Variants in POU6F2 observed in about 807,000 individuals in gnomAD.
POU6F2 encodes POU domain, class 6, transcription factor 2.
In POU6F2, 31 loss-of-function variants were observed where a neutral mutation model predicts 71.3. That is an observed-to-expected ratio of 0.43 (90% CI 0.33 to 0.59). The LOEUF (loss-of-function observed/expected upper bound fraction) is 0.59. Ranked by LOEUF, POU6F2 falls within the 20% of genes least tolerant of loss-of-function variation. The pLI is 0.04. For missense variants in POU6F2, 783 were observed against 856.8 expected, an observed-to-expected ratio of 0.91 and a Z score of 1.07; for synonymous variants, 347 against 355.7, an observed-to-expected ratio of 0.98 and a Z score of 0.27.
chr7:39,385,445 A>C (rs1179492225), intron 5 of POU6F2, among the ~76,000 whole-genome samples: 2 of 152,196 alleles, frequency 1.3e-5, no homozygotes, highest in African/African-American at 4.8e-5. Context: ...CCAGTGAGAG[A>C]GAAGTATGCT....
intron 6 of POU6F2, 54 bp from the exon 7 acceptor site, chr7:39,433,023 G>T: frequency 6.4e-7 from 1 of 1,574,122 alleles, no homozygotes; most frequent in Non-Finnish European, 8.7e-7. Flanking sequence ...GTCTTCAGTT[G>T]CATGCACAGA....
chr7:39,188,431 G>A (rs958863610), intron 2 of POU6F2, among the ~76,000 whole-genome samples: 3 of 152,092 alleles, frequency 2.0e-5, no homozygotes, highest in Non-Finnish European at 2.9e-5. Context: ...TTATGCCTCA[G>A]CTTCCCAAGT....
chr7:39,280,287 C>T (rs543375892), intron 4 of POU6F2, among the ~76,000 whole-genome samples: 23 of 152,250 alleles, frequency 1.5e-4, no homozygotes, highest in Admixed American at 5.2e-4. Context: ...AGATGGCTTG[C>T]CCACTCCACT....
intron 5 of POU6F2, among the ~76,000 whole-genome samples, chr7:39,353,456 A>G (rs1036890480): frequency 6.6e-6 from 1 of 152,264 alleles, no homozygotes; most frequent in African/African-American, 2.4e-5. Flanking sequence ...ATTTGTATGT[A>G]TGCATACTTG....
At position 39,394,836 on chromosome 7, in the gene POU6F2, T is replaced by G. The variant is rs186209878; in HGVS notation, c.973-11764T>G. Among the ~76,000 whole-genome samples the G allele has an allele frequency of 3.1e-4, 47 of 152,238 alleles. 2 individuals carry two copies. In the East Asian group the frequency reaches 8.7e-3, roughly 28 times the overall value. On this transcript the variant is annotated intron_variant, in intron 5 of 9. Coordinates refer to ENST00000518318, the MANE Select transcript of POU6F2 (RefSeq NM_001370959.1). ...CAGTATGTCCACGGCTCACTTAGCATACCCCTACACTGGCTTGTACCCATT... is the reference window on the plus strand; with the variant it reads ...CAGTATGTCCACGGCTCACTTAGCAGACCCCTACACTGGCTTGTACCCATT...
chr7:39,336,157 A>G (rs1011562765), intron 4 of POU6F2, among the ~76,000 whole-genome samples: 1 of 152,198 alleles, frequency 6.6e-6, no homozygotes, highest in Admixed American at 6.5e-5. Context: ...ACTATTTAAC[A>G]CTTTATTAAA....
chr7:39,208,065 A>G (rs1316065942), intron 4 of POU6F2, among the ~76,000 whole-genome samples: 2 of 152,228 alleles, frequency 1.3e-5, no homozygotes, highest in African/African-American at 2.4e-5. Flanking sequence ...TAATTTATTA[A>G]TGATTATTTT....
chr7:39,021,655 C>T (rs1789682686), intron 1 of POU6F2, among the ~76,000 whole-genome samples: 1 of 151,844 alleles, frequency 6.6e-6, no homozygotes, highest in Admixed American at 6.6e-5. Context: ...TACAAATTCC[C>T]TCTATTCCAT....
intron 4 of POU6F2, among the ~76,000 whole-genome samples, chr7:39,255,049 A>G (rs1178733818): frequency 6.6e-6 from 1 of 152,230 alleles, no homozygotes; most frequent in African/African-American, 2.4e-5. Context: ...TTTTATATAT[A>G]TCCTTTATAT....
At chr7:39,309,016 C>T (rs181215759) in intron 4 of POU6F2, among the ~76,000 whole-genome samples, 1 of 152,246 alleles carries the variant, frequency 6.6e-6, no homozygotes, top group Admixed American at 6.5e-5. Context: ...AGGTTTTCTA[C>T]ACAGATGTTA....
Position 39,468,479 on chromosome 7 carries a change from A to C in POU6F2, c.*3793A>C. ...TGCTTAATATTTAAAAAAAAAAAAAACTGTACTTAATCTAGAGCAATATCT... is the reference window on the plus strand; with the variant it reads ...TGCTTAATATTTAAAAAAAAAAAAACCTGTACTTAATCTAGAGCAATATCT... On this transcript the variant is annotated 3_prime_UTR_variant, in exon 10 of 10. Coordinates refer to ENST00000518318, the MANE Select transcript of POU6F2 (RefSeq NM_001370959.1). 1 of 151,922 alleles carries C rather than the reference A, an allele frequency of 6.6e-6. No homozygotes were observed. The highest frequency in any genetic ancestry group is 1.9e-4 in the East Asian group (1 of 5,186). 9.4% of individuals were successfully genotyped at this position (151,922 alleles called of 1,614,324 possible). A position where few individuals can be genotyped will look rare whatever the true frequency, so the allele number is the denominator to read the frequency against.
intron 1 of POU6F2, among the ~76,000 whole-genome samples, chr7:39,053,835 G>C (rs1268002674): frequency 6.6e-6 from 1 of 152,098 alleles, no homozygotes; most frequent in Non-Finnish European, 1.5e-5. Context: ...AGCCACGGTG[G>C]CTTATGGATG....
chr7:39,309,085 G>A (rs1003649191), intron 4 of POU6F2, among the ~76,000 whole-genome samples: 6 of 152,164 alleles, frequency 3.9e-5, no homozygotes, highest in Admixed American at 1.3e-4. Flanking sequence ...CTGTTTGTTT[G>A]CCCCCCATGT....
chr7:39,448,615 C>G (rs751081424), intron 7 of POU6F2, among the ~76,000 whole-genome samples: 2 of 152,010 alleles, frequency 1.3e-5, no homozygotes, highest in Non-Finnish European at 2.9e-5. Flanking sequence ...GCCTAGAAGC[C>G]CTAGCTTGCT....
chr7:39,461,577 C>T (rs1311214489), intron 9 of POU6F2, among the ~76,000 whole-genome samples: 1 of 152,194 alleles, frequency 6.6e-6, no homozygotes, highest in African/African-American at 2.4e-5. Flanking sequence ...CCATGAAATG[C>T]TGTCTTTTTA....
intron 4 of POU6F2, among the ~76,000 whole-genome samples, chr7:39,249,308 A>G (rs1407739385): frequency 6.6e-6 from 1 of 152,180 alleles, no homozygotes; most frequent in Non-Finnish European, 1.5e-5. Context: ...AACAGATGCT[A>G]TTAGCATTTT....
rs960671888 is a variant in POU6F2, at chr7:38,984,839, A to T, written c.105+6781A>T. ...AAATATTTATCTCTAACATCTAAAA[A>T]CTTAGAGAAACAGGTATATTTTTAA... On this transcript the variant is annotated intron_variant, in intron 1 of 9. Transcript: ENST00000518318. 1.4e-4 allele frequency: 22 copies of T among 152,174 alleles called. No individual in the cohort carries two copies. In the East Asian group the frequency reaches 2.3e-3, roughly 16 times the overall value. 9.4% of individuals were successfully genotyped at this position (152,174 alleles called of 1,614,324 possible). A position where few individuals can be genotyped will look rare whatever the true frequency, so the allele number is the denominator to read the frequency against.
intron 4 of POU6F2, among the ~76,000 whole-genome samples, chr7:39,272,386 T>C (rs1285066687): frequency 6.6e-6 from 1 of 152,182 alleles, no homozygotes; most frequent in Non-Finnish European, 1.5e-5. Context: ...GGGGCCTTTC[T>C]GTCCTTCTTC....
chr7:39,363,546 T>C (rs1786435711), intron 5 of POU6F2, among the ~76,000 whole-genome samples: 1 of 151,084 alleles, frequency 6.6e-6, no homozygotes, highest in Admixed American at 6.6e-5. Flanking sequence ...GAGGCCTGGA[T>C]AAGATTACTT....
Sources: allele counts gnomAD v4.1 joint callset (sites outside exome capture counted in the v4.1 genomes callset), GRCh38; gene constraint gnomAD v4.1.1; transcripts MANE v1.5; gene names NCBI Gene and HGNC (gene_info 2026-07-23, HGNC 2026-07-21).